ZNF407: variants seen among roughly 807,000 people sequenced by gnomAD.
ZNF407 encodes zinc finger protein 407.
In ZNF407, 17 loss-of-function variants were observed where a neutral mutation model predicts 131.2. That is an observed-to-expected ratio of 0.13 (90% confidence interval 0.09 to 0.19). The LOEUF is 0.19. ZNF407 is among the 10% of genes least tolerant of loss of function. ZNF407 has a pLI of 1.00. For synonymous variants in ZNF407, 1,156 were observed against 1,062.0 expected (o/e 1.09, Z -1.72); for missense variants, 2,681 against 2,830.6 (o/e 0.95, Z 1.20).
chr18:74,901,195 C>T (rs554275196), intron 7 of ZNF407, among the ~76,000 whole-genome samples: 44 of 152,198 alleles, frequency 2.9e-4, no homozygotes, highest in African/African-American at 1.0e-3. Context: ...CTATTTTTTG[C>T]GTTCACTAGC....
intron 1 of ZNF407, among the ~76,000 whole-genome samples, chr18:74,620,941 A>G (rs1983484729): frequency 6.6e-6 from 1 of 152,164 alleles, no homozygotes; most frequent in African/African-American, 2.4e-5. Flanking sequence ...GCTGGCAAGG[A>G]ACACATGATC....
At chr18:74,705,850 C>T (rs570814681) in intron 3 of ZNF407, among the ~76,000 whole-genome samples, 319 of 152,202 alleles carry the variant, frequency 2.1e-3, no homozygotes, top group Admixed American at 3.4e-3. Flanking sequence ...ATATAAAATA[C>T]GAAACTATGG....
intron 3 of ZNF407, among the ~76,000 whole-genome samples, chr18:74,669,859 G>C (rs1406712193): frequency 4.6e-5 from 7 of 152,346 alleles, no homozygotes; most frequent in Admixed American, 4.6e-4. Flanking sequence ...CTAAAGAATT[G>C]TGCAAAGTAG....
intron 3 of ZNF407, among the ~76,000 whole-genome samples, chr18:74,723,679 C>T (rs1330766054): frequency 6.6e-6 from 1 of 152,112 alleles, no homozygotes; most frequent in East Asian, 1.9e-4. Flanking sequence ...AGCAGTTACC[C>T]TCTGATCCAG....
intron 3 of ZNF407, among the ~76,000 whole-genome samples, chr18:74,690,073 A>G (rs1967184472): frequency 6.6e-6 from 1 of 152,246 alleles, no homozygotes; most frequent in African/African-American, 2.4e-5. Context: ...TAAATTGCCA[A>G]ACGCTTGTGA....
At position 75,065,015 on chromosome 18, in the gene ZNF407, A is replaced by G. The variant is rs983265598; in HGVS notation, c.*547A>G. The G allele has an allele frequency of 6.6e-6, 1 of 151,356 alleles. No individual in the cohort carries two copies. Among genetic ancestry groups the G allele is most frequent in the South Asian group, 2.1e-4 (1 of 4,794 alleles). 9.4% of individuals were successfully genotyped at this position (151,356 alleles called of 1,614,324 possible). On this transcript the variant is annotated 3_prime_UTR_variant, in exon 9 of 9. Transcript: ENST00000299687. ...CACTTCCATTCAATTTTTTTTTTTT[A>G]ATTTTAGAATAACAGTGTCCCCATA...
intron 8 of ZNF407, among the ~76,000 whole-genome samples, chr18:74,994,235 G>T (rs1568295065): frequency 6.9e-6 from 1 of 145,804 alleles, no homozygotes. Context: ...ACTCCCAAAT[G>T]GCTCATAAAA....
At chr18:75,016,487 G>C (rs1973045634) in intron 8 of ZNF407, among the ~76,000 whole-genome samples, 1 of 136,750 alleles carries the variant, frequency 7.3e-6, no homozygotes, top group Non-Finnish European at 1.6e-5. Flanking sequence ...ATGTCAGATA[G>C]AACTATATTG....
At position 74,722,857 on chromosome 18, in the gene ZNF407, A is replaced by G. The variant is rs1208199757; in HGVS notation, c.4803-58571A>G. ...TTGTGGCCAAACCTGCACGTTTCTCAGTGAGCCATTACCTCTCCCAAAGTT... is the reference window on the plus strand; with the variant it reads ...TTGTGGCCAAACCTGCACGTTTCTCGGTGAGCCATTACCTCTCCCAAAGTT... On this transcript the variant is annotated intron_variant, in intron 3 of 8. Transcript: ENST00000299687. 2.6e-5 allele frequency among the ~76,000 whole-genome samples: 4 copies of G among 152,176 alleles called. No homozygotes were observed. In the East Asian group the frequency reaches 5.8e-4, roughly 22 times the overall value.
At position 75,034,399 on chromosome 18, in the gene ZNF407, G is replaced by A. The variant is rs756460828; in HGVS notation, c.5429-28751G>A. ...ACTCACTGCAAGCTCCGCCTCCCGGGTTCATGCCATTCTCCTGCCTCAGCC... is the reference window on the plus strand; with the variant it reads ...ACTCACTGCAAGCTCCGCCTCCCGGATTCATGCCATTCTCCTGCCTCAGCC... On this transcript the variant is annotated intron_variant, in intron 8 of 8. Transcript: ENST00000299687. 8.5e-4 allele frequency among the ~76,000 whole-genome samples: 129 copies of A among 151,046 alleles called. 1 individual carries two copies. The highest frequency in any genetic ancestry group is 1.2e-3 in the Non-Finnish European group (84 of 67,818).
chr18:74,692,158 CAT>C (rs1443884299), intron 3 of ZNF407, among the ~76,000 whole-genome samples: 1 of 151,758 alleles, frequency 6.6e-6, no homozygotes, highest in Non-Finnish European at 1.5e-5. Flanking sequence ...TATATACATA[CAT>C]ATATATATGC....
At chr18:74,767,746 C>T (rs1282577982) in intron 3 of ZNF407, among the ~76,000 whole-genome samples, 18 of 147,564 alleles carry the variant, frequency 1.2e-4, no homozygotes, top group Non-Finnish European at 2.7e-4. Context: ...CTCCGTCTCC[C>T]GGGTTCATGC....
chr18:74,744,641 T>A (rs1158091508), intron 3 of ZNF407, among the ~76,000 whole-genome samples: 1 of 152,024 alleles, frequency 6.6e-6, no homozygotes, highest in Non-Finnish European at 1.5e-5. Context: ...AGCACATAGA[T>A]TTTTGCTGCA....
chr18:75,057,554 A>G (rs1242798430), intron 8 of ZNF407, among the ~76,000 whole-genome samples: 3 of 152,080 alleles, frequency 2.0e-5, no homozygotes, highest in Non-Finnish European at 4.4e-5. Flanking sequence ...GTGGTGTTAG[A>G]TAAGTTTTAC....
intron 3 of ZNF407, among the ~76,000 whole-genome samples, chr18:74,699,111 A>T (rs906020392): frequency 1.3e-5 from 2 of 151,854 alleles, no homozygotes; most frequent in African/African-American, 2.4e-5. Flanking sequence ...TTATTAACCA[A>T]TTTTTTTTAA....
intron 8 of ZNF407, among the ~76,000 whole-genome samples, chr18:74,945,334 T>G (rs1419297211): frequency 6.6e-6 from 1 of 152,244 alleles, no homozygotes; most frequent in African/African-American, 2.4e-5. Context: ...AAATATATTT[T>G]AGGTTGCTTT....
At chr18:74,970,938 C>T (rs1156973710) in intron 8 of ZNF407, among the ~76,000 whole-genome samples, 1 of 152,266 alleles carries the variant, frequency 6.6e-6, no homozygotes, top group Non-Finnish European at 1.5e-5. Flanking sequence ...CATTTCCATA[C>T]ATCTTCTGAA....
At chr18:74,613,043 A>G (rs1983133212) in intron 1 of ZNF407, among the ~76,000 whole-genome samples, 1 of 152,232 alleles carries the variant, frequency 6.6e-6, no homozygotes, top group South Asian at 2.1e-4. Flanking sequence ...CCTTAAAAGT[A>G]TAAGAAGTAG....
At chr18:74,646,990 A>T (rs897588596) in intron 3 of ZNF407, among the ~76,000 whole-genome samples, 1 of 152,256 alleles carries the variant, frequency 6.6e-6, no homozygotes, top group African/African-American at 2.4e-5. Context: ...ATAACAAAAT[A>T]GAAATAAACT....
Sources: gnomAD v4.1 joint callset for allele counts (sites outside exome capture counted in the v4.1 genomes callset) on GRCh38, gnomAD v4.1.1 for gene constraint, MANE v1.5 for transcripts, NCBI Gene and HGNC (gene_info 2026-07-23, HGNC 2026-07-21) for gene names.